AR: variants seen among roughly 807,000 people sequenced by gnomAD.
The protein encoded by AR is androgen receptor.
Under a neutral mutation model 53.9 loss-of-function variants are expected in AR, and 8 were observed. The ratio of observed to expected loss-of-function variants is 0.15; its 90% CI spans 0.09 to 0.27. AR has a LOEUF of 0.27. Ranked by LOEUF, AR falls within the 10% of genes least tolerant of loss-of-function variation. The pLI is 1.00. For missense variants in AR, 639 were observed against 742.5 expected (o/e 0.86, Z 1.62); for synonymous variants, 359 against 316.4 (o/e 1.13, Z -1.43).
At chrX:67,627,785 C>T in intron 1 of AR, among the ~76,000 whole-genome samples, 1 of 111,638 alleles carries the variant, frequency 9.0e-6, no homozygotes, top group Admixed American at 9.5e-5. Flanking sequence ...ACGTTTAAGT[C>T]TTTAATCCAT....
At chrX:67,682,903 A>G (rs1025570226) in intron 2 of AR, among the ~76,000 whole-genome samples, 3 of 112,062 alleles carry the variant, frequency 2.7e-5, no homozygotes, top group African/African-American at 6.5e-5. Context: ...TTTCATATCC[A>G]TCTTTGCAAT....
chrX:67,680,923 G>A (rs746523059), intron 2 of AR: 1 of 244,584 alleles, frequency 4.1e-6, no homozygotes, highest in African/African-American at 2.8e-5. Context: ...GAAAGACACA[G>A]AGCAACATCA....
In AR at chrX:67,546,052, C is replaced by G. The variant is rs1211738356; in HGVS notation, c.906C>G (p.Ser302Arg). ...TGCTAGACGACAGCGCAGGCAAGAG[C>G]ACTGAAGATACTGCTGAGTATTCCC... The part of the protein sequence containing the change: ...GSLLDDSAGK[S>R]TEDTAEYSPF... The change falls in exon 1 of 8, where the codon AGC becomes AGG. Residue 302 changes from serine (S) to arginine (R), a missense_variant. Physicochemically the swap from Ser to Arg is moderately radical, Grantham distance 110 (BLOSUM62 -1). This residue lies in a region of AR where 423 missense variants were observed against 377.0 expected (regional missense o/e 1.12). Transcript: ENST00000374690. The G allele has an allele frequency of 4.9e-6, 6 of 1,212,350 alleles. No individual in the cohort carries two copies. In the Admixed American group the frequency reaches 1.3e-4, roughly 26 times the overall value.
intron 2 of AR, among the ~76,000 whole-genome samples, chrX:67,662,434 T>C (rs1339207519): frequency 9.0e-6 from 1 of 111,637 alleles, no homozygotes; most frequent in Non-Finnish European, 1.9e-5. Context: ...TATTTCTGCC[T>C]TCATTTCATT....
chrX:67,616,490 T>A (rs1008921343), intron 1 of AR, among the ~76,000 whole-genome samples: 1 of 110,912 alleles, frequency 9.0e-6, no homozygotes, highest in Non-Finnish European at 1.9e-5. Flanking sequence ...AGAATGATGG[T>A]TTCCAGCTTC....
chrX:67,545,693 G>T lies in AR; in HGVS notation c.547G>T (p.Asp183Tyr). ...AAGCAGCTGCTCCGCTGACCTTAAA[G>T]ACATCCTGAGCGAGGCCAGCACCAT... is the stretch of plus-strand genomic sequence containing the variant. ...GLSSCSADLK[D>Y]ILSEASTMQL... The change falls in exon 1 of 8, where the codon GAC (aspartate) becomes TAC (tyrosine). Residue 183 changes from aspartate to tyrosine, a missense_variant. By Grantham distance (160) the Asp-to-Tyr change is radical (BLOSUM62 -3). Around this residue, in one of 5 missense-constraint regions of AR, gnomAD observed 423 missense variants for 377.0 expected, o/e 1.12. Transcript: ENST00000374690. The T allele has an allele frequency of 1.7e-6, 2 of 1,207,743 alleles. No homozygotes were observed. Among genetic ancestry groups the T allele is most frequent in the Non-Finnish European group, 2.2e-6 (2 of 893,442 alleles).
intron 2 of AR, among the ~76,000 whole-genome samples, chrX:67,650,861 A>G (rs979191504): frequency 2.7e-5 from 3 of 111,651 alleles, no homozygotes; most frequent in African/African-American, 9.8e-5. Context: ...TATTCCTCCT[A>G]TCTAGACTAA....
intron 1 of AR, among the ~76,000 whole-genome samples, chrX:67,623,179 A>G (rs1924461090): frequency 9.3e-6 from 1 of 107,904 alleles, no homozygotes; most frequent in South Asian, 4.3e-4. Flanking sequence ...CCCCGCCCCC[A>G]TAAATCCGCC....
chrX:67,711,296 G>T (rs1328046921), intron 3 of AR, 106 bp from the exon 4 acceptor site: 6 of 865,224 alleles, frequency 6.9e-6, no homozygotes, highest in Non-Finnish European at 1.0e-5. Flanking sequence ...CTGTGACCAG[G>T]GAGAATGGTG....
intron 1 of AR, among the ~76,000 whole-genome samples, chrX:67,642,798 T>C (rs1437355874): frequency 1.8e-5 from 2 of 112,184 alleles, no homozygotes; most frequent in Non-Finnish European, 3.8e-5. Flanking sequence ...ATTTTATAGA[T>C]GAGATTTGAG....
intron 2 of AR, among the ~76,000 whole-genome samples, chrX:67,669,298 A>T (rs924283338): frequency 9.0e-6 from 1 of 111,694 alleles, no homozygotes; most frequent in East Asian, 2.8e-4. Context: ...TTATTTATTG[A>T]CATAGTCATT....
At chrX:67,680,800 CT>C (rs1284978370) in intron 2 of AR, 2 of 326,420 alleles carry the variant, frequency 6.1e-6, no homozygotes, top group Non-Finnish European at 1.2e-5. Context: ...ACCAATGGGA[CT>C]GACAGAAAAC....
chrX:67,685,895 C>G (rs762628291), intron 2 of AR, 115 bp from the exon 3 acceptor site: 1 of 1,099,545 alleles, frequency 9.1e-7, no homozygotes, highest in African/African-American at 1.8e-5. Context: ...ACTCTGTCCA[C>G]TTTTTTCATG....
intron 2 of AR, among the ~76,000 whole-genome samples, chrX:67,685,227 C>T (rs2075959302): frequency 9.0e-6 from 1 of 111,674 alleles, no homozygotes; most frequent in African/African-American, 3.3e-5. Context: ...CTGCTGTGTG[C>T]CAGGATTGTG....
intron 3 of AR, among the ~76,000 whole-genome samples, chrX:67,704,039 C>T (rs925656887): frequency 1.8e-5 from 2 of 112,093 alleles, no homozygotes. Context: ...TTAATCCAGT[C>T]TATCATTGAT....
At chrX:67,696,053 C>T (rs2076019221) in intron 3 of AR, 1 of 749,064 alleles carries the variant, frequency 1.3e-6, no homozygotes, top group South Asian at 6.8e-5. Context: ...GAAATTTTCC[C>T]TTAATAAAGC....
intron 4 of AR, among the ~76,000 whole-genome samples, chrX:67,715,104 T>A (rs754191424): frequency 1.8e-5 from 2 of 111,556 alleles, no homozygotes; most frequent in Non-Finnish European, 3.8e-5. Flanking sequence ...CCATGTGCCT[T>A]CACATTCACA....
At chrX:67,723,486 C>CCATTTCTTT (rs2076145571) in intron 7 of AR, among the ~76,000 whole-genome samples, 200 bp from the exon 8 acceptor site, 1 of 90,419 alleles carries the variant, frequency 1.1e-5, no homozygotes, top group South Asian at 7.4e-4. Context: ...TCCATGGAGA[C>CCATTTCTTT]CATTTCTTTC....
intron 2 of AR, among the ~76,000 whole-genome samples, chrX:67,657,840 T>C (rs1926661594): frequency 8.9e-6 from 1 of 112,143 alleles, no homozygotes; most frequent in South Asian, 3.7e-4. Context: ...ATTGTTTCCA[T>C]ATACTCAGGT....
Sources: allele counts gnomAD v4.1 joint callset (sites outside exome capture counted in the v4.1 genomes callset), GRCh38; gene constraint gnomAD v4.1.1; regional missense constraint gnomAD v4.1.1; transcripts MANE v1.5; gene names NCBI Gene and HGNC (gene_info 2026-07-23, HGNC 2026-07-21).